The following WSCD2 variants were observed in gnomAD, a reference collection of about 807,000 sequenced individuals.
WSCD2 encodes WSC domain sialate O sulfotransferase 2.
WSCD2 carries 28 observed loss-of-function variants against 55.7 expected under a neutral mutation model. The ratio of observed to expected loss-of-function variants is 0.50; its 90% confidence interval spans 0.37 to 0.69. The LOEUF is 0.69. Ranked by LOEUF, WSCD2 falls within the 30% of genes least tolerant of loss-of-function variation. WSCD2 has a pLI of 0.00. For synonymous variants in WSCD2, 301 were observed against 301.9 expected (o/e 1.00, Z 0.03); for missense variants, 616 against 762.1 (o/e 0.81, Z 2.26).
At chr12:108,203,798 C>T (rs1011717707) in intron 2 of WSCD2, among the ~76,000 whole-genome samples, 1 of 152,346 alleles carries the variant, frequency 6.6e-6, no homozygotes, top group African/African-American at 2.4e-5. Flanking sequence ...CAACTTCAAG[C>T]CCAGCATTTC....
intron 1 of WSCD2, among the ~76,000 whole-genome samples, chr12:108,159,157 A>G (rs537734977): frequency 1.3e-5 from 2 of 152,224 alleles, no homozygotes; most frequent in Admixed American, 6.5e-5. Context: ...TTGTTCCTCC[A>G]TCTGGTTTCC....
chr12:108,179,510 AC>A (rs1362266638), intron 1 of WSCD2, among the ~76,000 whole-genome samples: 3 of 152,120 alleles, frequency 2.0e-5, no homozygotes, highest in Non-Finnish European at 4.4e-5. Flanking sequence ...GATTCAGGAG[AC>A]TTTAAAGACC....
At chr12:108,226,251 G>A (rs1888073366) in intron 5 of WSCD2, among the ~76,000 whole-genome samples, 1 of 152,144 alleles carries the variant, frequency 6.6e-6, no homozygotes, top group East Asian at 1.9e-4. Flanking sequence ...TTGGGCAAAA[G>A]ACAGACCCTT....
chr12:108,220,357 G>T (rs538003713), intron 4 of WSCD2, among the ~76,000 whole-genome samples: 4 of 152,322 alleles, frequency 2.6e-5, no homozygotes, highest in African/African-American at 7.2e-5. Flanking sequence ...TGGGTGACCT[G>T]TATCAAGCAG....
chr12:108,147,763 C>T (rs1877554571), intron 1 of WSCD2, among the ~76,000 whole-genome samples: 1 of 151,864 alleles, frequency 6.6e-6, no homozygotes, highest in Admixed American at 6.6e-5. Context: ...CCTGTAGTCC[C>T]AGCTTCTTGG....
intron 3 of WSCD2, among the ~76,000 whole-genome samples, chr12:108,207,665 G>A (rs2137091409): frequency 6.6e-6 from 1 of 151,342 alleles, no homozygotes; most frequent in Non-Finnish European, 1.5e-5. Context: ...GGGATTACAG[G>A]TGTGAGGCAC....
intron 1 of WSCD2, among the ~76,000 whole-genome samples, chr12:108,163,635 A>C (rs764763363): frequency 6.6e-6 from 1 of 152,208 alleles, no homozygotes; most frequent in African/African-American, 2.4e-5. Context: ...GAGGCAGGGA[A>C]GATCCGAGTC....
At chr12:108,176,485 T>C (rs1303609761) in intron 1 of WSCD2, among the ~76,000 whole-genome samples, 1 of 152,240 alleles carries the variant, frequency 6.6e-6, no homozygotes, top group Non-Finnish European at 1.5e-5. Context: ...TGCTGTTGTG[T>C]CATCAGTAGC....
chr12:108,168,115 A>T (rs1879844714), intron 1 of WSCD2, among the ~76,000 whole-genome samples: 1 of 152,212 alleles, frequency 6.6e-6, no homozygotes, highest in Non-Finnish European at 1.5e-5. Context: ...GAAAATAACA[A>T]GGTTGAAGTC....
chr12:108,193,448 G>A (rs1335011055), intron 1 of WSCD2, among the ~76,000 whole-genome samples: 1 of 152,236 alleles, frequency 6.6e-6, no homozygotes, highest in Non-Finnish European at 1.5e-5. Context: ...GACTGGATGG[G>A]TGGAGAGTTG....
intron 6 of WSCD2, among the ~76,000 whole-genome samples, chr12:108,231,729 T>C (rs1380436585): frequency 6.6e-6 from 1 of 152,220 alleles, no homozygotes. Flanking sequence ...CCAGATATTG[T>C]GGAAACTTTT....
chr12:108,136,622 A>G (rs1472155561), intron 1 of WSCD2, among the ~76,000 whole-genome samples: 1 of 152,124 alleles, frequency 6.6e-6, no homozygotes, highest in Non-Finnish European at 1.5e-5. Flanking sequence ...CCCAGTCTCC[A>G]CTTGACCCAT....
intron 4 of WSCD2, among the ~76,000 whole-genome samples, chr12:108,222,635 T>C (rs1887658681): frequency 6.6e-6 from 1 of 152,222 alleles, no homozygotes; most frequent in South Asian, 2.1e-4. Context: ...TCACCAGCCT[T>C]TCAAAAGATT....
At chr12:108,157,021 C>T (rs1189659323) in intron 1 of WSCD2, among the ~76,000 whole-genome samples, 1 of 152,188 alleles carries the variant, frequency 6.6e-6, no homozygotes, top group African/African-American at 2.4e-5. Context: ...CCACTTTCCT[C>T]CCCAGGACCC....
intron 1 of WSCD2, among the ~76,000 whole-genome samples, chr12:108,146,637 A>G (rs1237178460): frequency 6.6e-6 from 1 of 152,224 alleles, no homozygotes; most frequent in Non-Finnish European, 1.5e-5. Context: ...TTGAATCAGG[A>G]CACAGGGCTC....
chr12:108,207,727 C>A (rs1345474752), intron 3 of WSCD2, among the ~76,000 whole-genome samples: 1 of 151,904 alleles, frequency 6.6e-6, no homozygotes, highest in Non-Finnish European at 1.5e-5. Flanking sequence ...CCTTTAAAAT[C>A]AGCTGCCTAG....
chr12:108,238,577 G>A (rs911693637), intron 7 of WSCD2, among the ~76,000 whole-genome samples: 2 of 152,196 alleles, frequency 1.3e-5, no homozygotes, highest in African/African-American at 4.8e-5. Flanking sequence ...TGCATTAGCT[G>A]CCATTTATTG....
intron 1 of WSCD2, among the ~76,000 whole-genome samples, chr12:108,162,950 T>G (rs1879216726): frequency 6.6e-6 from 1 of 152,198 alleles, no homozygotes; most frequent in Non-Finnish European, 1.5e-5. Flanking sequence ...GCCTTAAACA[T>G]CACTTCACTT....
At chr12:108,171,028 G>T (rs1167897470) in intron 1 of WSCD2, among the ~76,000 whole-genome samples, 1 of 152,170 alleles carries the variant, frequency 6.6e-6, no homozygotes, top group Non-Finnish European at 1.5e-5. Context: ...GGTAGGAGAG[G>T]CTGGTTCTTT....
Sources: gnomAD v4.1 joint callset for allele counts (sites outside exome capture counted in the v4.1 genomes callset) on GRCh38, gnomAD v4.1.1 for gene constraint, MANE v1.5 for transcripts, NCBI Gene and HGNC (gene_info 2026-07-23, HGNC 2026-07-21) for gene names.